The following ZNF138 variants were observed in gnomAD, a reference collection of about 807,000 sequenced individuals.
ZNF138 encodes the protein zinc finger protein 138 (clone pHZ-32).
A neutral mutation model predicts 33.0 loss-of-function variants in ZNF138; 33 were observed. The ratio of observed to expected loss-of-function variants is 1.00; its 90% CI spans 0.76 to 1.34. ZNF138 has a LOEUF of 1.34. Among genes scored for constraint, ZNF138 ranks in the 40% most tolerant of loss-of-function variants. ZNF138 has a pLI of 0.00. For missense variants in ZNF138, 360 were observed against 370.8 expected (o/e 0.97, Z 0.24); for synonymous variants, 139 against 120.4 (o/e 1.15, Z -1.01).
downstream of ZNF138, chr7:64,835,148 A>C (rs952254328): frequency 2.6e-5 from 4 of 152,188 alleles, no homozygotes; most frequent in African/African-American, 4.8e-5. Context: ...AGTCGGGGTG[A>C]CGGGAACAGG....
chr7:64,815,626 C>T lies in ZNF138; in HGVS notation c.181C>T (p.His61Tyr), dbSNP rs766915880. The T allele has an allele frequency of 2.5e-5, 40 of 1,612,292 alleles. 1 individual carries two copies. In the South Asian group the frequency reaches 4.2e-4, roughly 17 times the overall value. The change falls in exon 3 of 4, where the codon CAT becomes TAT. Residue 61 changes from histidine to tyrosine, a missense_variant. His to Tyr is a moderately conservative substitution (Grantham distance 83). Coordinates refer to ENST00000307355, the MANE Select transcript of ZNF138 (RefSeq NM_001271639.2). Reference protein sequence around the residue: ...QGKEPWNMKRHEMVVAKHSAL... With the variant: ...QGKEPWNMKRYEMVVAKHSAL... ...AAAAGAGCCCTGGAATATGAAGAGA[C>T]ATGAGATGGTGGTAGCCAAACATTC...
downstream of ZNF138, chr7:64,836,205 G>T (rs1216988935): frequency 6.6e-6 from 1 of 152,074 alleles, no homozygotes; most frequent in Non-Finnish European, 1.5e-5. Flanking sequence ...GTATAGGGGT[G>T]GATGAATTTC....
intron 1 of ZNF138, among the ~76,000 whole-genome samples, chr7:64,799,020 G>A (rs971452581): frequency 1.3e-5 from 2 of 151,020 alleles, no homozygotes; most frequent in Non-Finnish European, 2.9e-5. Flanking sequence ...GAATTGCCTT[G>A]GCTATTCAGG....
intron 3 of ZNF138, among the ~76,000 whole-genome samples, chr7:64,827,953 T>C (rs898876552): frequency 2.6e-5 from 4 of 152,198 alleles, no homozygotes; most frequent in African/African-American, 9.6e-5. Context: ...GAACCATATG[T>C]CTACTGCCGA....
At chr7:64,812,824 A>G (rs1788283381) in intron 1 of ZNF138, among the ~76,000 whole-genome samples, 1 of 146,396 alleles carries the variant, frequency 6.8e-6, no homozygotes, top group African/African-American at 2.5e-5. Context: ...ATACCAGAGA[A>G]GAAGGAGAAA....
chr7:64,854,752 C>G, the ZNF138 span, among the ~76,000 whole-genome samples: 7 of 152,092 alleles, frequency 4.6e-5, no homozygotes, highest in African/African-American at 1.7e-4. Context: ...TTCGGTCTAT[C>G]GTTAAGGTTT....
intron 1 of ZNF138, among the ~76,000 whole-genome samples, chr7:64,807,280 A>T (rs1046736163): frequency 9.2e-5 from 14 of 152,114 alleles, no homozygotes; most frequent in Admixed American, 5.2e-4. Flanking sequence ...TAATTCCTCT[A>T]GTGCCCCTGG....
the ZNF138 span, among the ~76,000 whole-genome samples, chr7:64,859,757 A>G: frequency 6.6e-6 from 1 of 152,236 alleles, no homozygotes; most frequent in Non-Finnish European, 1.5e-5. Flanking sequence ...GATAGCATTT[A>G]GTTCCAATCA....
intron 3 of ZNF138, among the ~76,000 whole-genome samples, chr7:64,820,527 G>C (rs897736220): frequency 6.6e-6 from 1 of 151,576 alleles, no homozygotes; most frequent in Non-Finnish European, 1.5e-5. Flanking sequence ...GGGTTGCATA[G>C]TTTGGATATA....
chr7:64,847,332 ATTTTTT>A, the ZNF138 span, among the ~76,000 whole-genome samples: 2 of 128,140 alleles, frequency 1.6e-5, no homozygotes, highest in African/African-American at 5.9e-5. Flanking sequence ...ATATATATAT[ATTTTTT>A]TTTTTTTTTT....
chr7:64,858,852 T>C, the ZNF138 span, among the ~76,000 whole-genome samples: 3 of 152,234 alleles, frequency 2.0e-5, no homozygotes, highest in East Asian at 1.9e-4. Flanking sequence ...AGCATTCCAT[T>C]GTGTAAATAT....
rs1040817597 is a variant in ZNF138, at chr7:64,830,924, C to G, written c.209-527C>G. 6 of 1,547,842 alleles carry G rather than the reference C, an allele frequency of 3.9e-6. No homozygotes were observed. The East Asian group carries it at 1.2e-4, about 32-fold the overall frequency. On this transcript the variant is annotated intron_variant, in intron 3 of 3. Transcript: ENST00000307355. ...TCAGTAGTCACTTGCTACAACTGTT[C>G]CCTGTCTCTTTGCAGCTGTAGCATT...
At chr7:64,818,594 A>G (rs373732872) in intron 3 of ZNF138, among the ~76,000 whole-genome samples, 13 of 152,114 alleles carry the variant, frequency 8.5e-5, no homozygotes, top group African/African-American at 3.1e-4. Context: ...TACTAAAAAT[A>G]CAAAAATTAG....
At chr7:64,811,105 A>G (rs1230370309) in intron 1 of ZNF138, among the ~76,000 whole-genome samples, 1 of 152,150 alleles carries the variant, frequency 6.6e-6, no homozygotes, top group African/African-American at 2.4e-5. Context: ...CTCTGTCTAT[A>G]TTTAGCTTTA....
At chr7:64,825,083 G>A (rs1170583070) in intron 3 of ZNF138, among the ~76,000 whole-genome samples, 1 of 147,036 alleles carries the variant, frequency 6.8e-6, no homozygotes, top group Non-Finnish European at 1.5e-5. Context: ...CTCCCAAAGT[G>A]CTGGAATTTC....
downstream of ZNF138, among the ~76,000 whole-genome samples, chr7:64,837,566 G>T (rs187803704): frequency 6.6e-6 from 1 of 152,178 alleles, no homozygotes; most frequent in Non-Finnish European, 1.5e-5. Context: ...AGAGCCACGC[G>T]AGGGCAAAGG....
intron 3 of ZNF138, 63 bp from the exon 4 acceptor site, chr7:64,831,388 T>A (rs867245182): frequency 1.4e-6 from 2 of 1,383,410 alleles, no homozygotes; most frequent in Middle Eastern, 2.0e-4. Context: ...TAGGTTAGAT[T>A]TGTAAAGTAT....
chr7:64,803,230 T>G (rs563415656), intron 1 of ZNF138, among the ~76,000 whole-genome samples: 1 of 151,920 alleles, frequency 6.6e-6, no homozygotes, highest in African/African-American at 2.4e-5. Flanking sequence ...GACCTCAGAT[T>G]CATTGCTTTG....
the ZNF138 span, among the ~76,000 whole-genome samples, chr7:64,841,880 A>G: frequency 2.6e-5 from 4 of 152,222 alleles, no homozygotes; most frequent in Non-Finnish European, 5.9e-5. Context: ...TACACTGTCC[A>G]TAGATCAGAG....
Sources: allele counts gnomAD v4.1 joint callset (sites outside exome capture counted in the v4.1 genomes callset), GRCh38; gene constraint gnomAD v4.1.1; transcripts MANE v1.5; gene names NCBI Gene and HGNC (gene_info 2026-07-23, HGNC 2026-07-21).